Variants in COX15 observed in about 807,000 individuals in gnomAD.
The protein encoded by COX15 is cytochrome c oxidase assembly factor COX15.
Under a neutral mutation model 51.9 loss-of-function variants are expected in COX15, and 51 were observed. The observed-to-expected ratio is 0.98, with a 90% CI of 0.78 to 1.24. The LOEUF is 1.24. COX15 is among the 50% of genes most tolerant of loss of function. The pLI, the probability that COX15 is intolerant of heterozygous loss-of-function variation, is 0.00. For synonymous variants in COX15, 188 were observed against 190.5 expected, an observed-to-expected ratio of 0.99 and a Z score of 0.11; for missense variants, 420 against 501.1, an observed-to-expected ratio of 0.84 and a Z score of 1.55.
chr10:99,717,590 T>C (rs556844300), intron 7 of COX15, among the ~76,000 whole-genome samples: 20 of 152,214 alleles, frequency 1.3e-4, no homozygotes, highest in African/African-American at 4.6e-4. Flanking sequence ...AGTAACGTGA[T>C]CACAGCTTAC....
Position 99,721,087 on chromosome 10 carries a change from C to A in COX15, c.751-19G>T. ...CAGGCAACTAAATATGAAAAAAAAT[C>A]ATTCAGTTAAACTGTGTTGCAGGAA... On this transcript the variant is annotated intron_variant, in intron 5 of 8. Transcript: ENST00000016171. 1 of 1,597,622 alleles carries A rather than the reference C, an allele frequency of 6.3e-7. No individual in the cohort carries two copies. Among genetic ancestry groups the A allele is most frequent in the Non-Finnish European group, 8.6e-7 (1 of 1,169,258 alleles).
intron 7 of COX15, among the ~76,000 whole-genome samples, chr10:99,717,530 T>C (rs1437794708): frequency 1.3e-5 from 2 of 152,148 alleles, no homozygotes; most frequent in Non-Finnish European, 2.9e-5. Context: ...TTAAATTAAA[T>C]TTAATTTTTT....
At chr10:99,720,407 C>T (rs2036723094) in intron 6 of COX15, among the ~76,000 whole-genome samples, 1 of 152,124 alleles carries the variant, frequency 6.6e-6, no homozygotes, top group Non-Finnish European at 1.5e-5. Context: ...GATCATGCCA[C>T]TGCACTCCAG....
In COX15 at chr10:99,727,523, T is replaced by C. The variant is rs768252509; in HGVS notation, c.313A>G (p.Ile105Val). 5 of 1,613,972 alleles carry C rather than the reference T, an allele frequency of 3.1e-6. No homozygotes were observed. The highest frequency in any genetic ancestry group is 2.5e-6 in the Non-Finnish European group (3 of 1,180,038). The change falls in exon 3 of 9, where the codon ATA (isoleucine) becomes GTA (valine). Residue 105 changes from isoleucine (I) to valine (V), a missense_variant. By Grantham distance (29) the Ile-to-Val change is conservative. Coordinates refer to ENST00000016171, the MANE Select transcript of COX15 (RefSeq NM_078470.6). The stretch of plus-strand genomic sequence containing the variant: ...CTTGTAGGTGGCTTCATCTCCTTTA[T>C]TAAATGCCAATCTACCATCGAGAGG... The part of the protein sequence containing the change: ...SGLSMVDWHL[I>V]KEMKPPTSQE...
chr10:99,720,909 A>C (rs2036741845), intron 6 of COX15, 78 bp downstream of exon 6: 1 of 1,069,922 alleles, frequency 9.3e-7, no homozygotes, highest in Non-Finnish European at 1.4e-6. Context: ...ATGCAGGAGG[A>C]AGGGGCAAAG....
chr10:99,727,348 G>A, intron 3 of COX15, 93 bp downstream of exon 3: 1 of 1,564,798 alleles, frequency 6.4e-7, no homozygotes, highest in Non-Finnish European at 8.7e-7. Context: ...CTGAACCGAA[G>A]TTCATGAAAT....
At chr10:99,701,051 C>T in the COX15 span, 3 of 1,613,464 alleles carry the variant, frequency 1.9e-6, no homozygotes, top group South Asian at 2.2e-5. Flanking sequence ...AGATGAGCAT[C>T]GACTCAAGTA....
Position 99,714,595 on chromosome 10 carries a change from G to A in COX15, c.1225C>T (p.Pro409Ser). ...GGCTGGTCCTCTAAGAATCATTTTG[G>A]GACTCTTCGGAGTTCATTCATCAGC... is the stretch of plus-strand genomic sequence containing the variant. ...LWLMNELRRV[P>S]K Residue 409 changes from proline (P) to serine (S), a missense_variant, in exon 9 of 9, where the codon CCA (proline) becomes TCA (serine). Transcript: ENST00000016171. 1 of 1,614,006 alleles carries A rather than the reference G, an allele frequency of 6.2e-7. No individual in the cohort carries two copies. Among genetic ancestry groups the A allele is most frequent in the Non-Finnish European group, 8.5e-7 (1 of 1,179,966 alleles).
chr10:99,727,430 C>T lies in COX15; in HGVS notation c.395+11G>A, dbSNP rs755176051. ...TACTGGGATGTTTACCTAATTTTCT[C>T]TAATACTTACATTTTAAATTCTGGA... On this transcript the variant is annotated intron_variant, in intron 3 of 8. Coordinates refer to ENST00000016171, the MANE Select transcript of COX15 (RefSeq NM_078470.6). The T allele has an allele frequency of 6.2e-7, 1 of 1,612,830 alleles. No individual in the cohort carries two copies. The highest frequency in any genetic ancestry group is 8.5e-7 in the Non-Finnish European group (1 of 1,180,014).
Position 99,711,999 on chromosome 10 carries a change from C to T in COX15, c.*2588G>A. The T allele has an allele frequency of 3.3e-6, 1 of 298,822 alleles. No homozygotes were observed. The highest frequency in any genetic ancestry group is 4.9e-6 in the Non-Finnish European group (1 of 202,374). The allele number at this position is 298,822 out of a possible 1,614,324, so 18.5% of individuals were successfully genotyped here. A position where few individuals can be genotyped will look rare whatever the true frequency, so the allele number is the denominator to read the frequency against. On this transcript the variant is annotated 3_prime_UTR_variant, in exon 9 of 9. Coordinates refer to ENST00000016171, the MANE Select transcript of COX15 (RefSeq NM_078470.6). ...CAGTGTGTCACATGGTGAGAGAGAG[C>T]AAGCGAGAGAGGAGGAAGTTCCAGG...
At position 99,727,038 on chromosome 10, in the gene COX15, CA is replaced by C. The variant is rs2133621017; in HGVS notation, c.511del (p.Trp171GlyfsTer10). ...LVYILPAAYF[W>X]RKGWLSRGMK... ...GCCACGGCTGAGCCAGCCCTTTCTC[CA>C]AAAGTAGGCAGCAGGCAGGATGTAC... On this transcript the variant is annotated frameshift_variant, in exon 4 of 9. Coordinates refer to ENST00000016171, the MANE Select transcript of COX15 (RefSeq NM_078470.6). LOFTEE classifies it high-confidence loss of function. 1.2e-6 allele frequency: 2 copies of C among 1,614,162 alleles called. No individual in the cohort carries two copies. Among genetic ancestry groups the C allele is most frequent in the South Asian group, 2.2e-5 (2 of 91,080 alleles).
At chr10:99,702,216 G>A in the COX15 span, among the ~76,000 whole-genome samples, 2 of 151,928 alleles carry the variant, frequency 1.3e-5, no homozygotes, top group African/African-American at 4.8e-5. Context: ...GGGTTGTTTT[G>A]AAGCTAATCC....
the COX15 span, chr10:99,698,554 G>C: frequency 6.2e-7 from 1 of 1,614,062 alleles, no homozygotes; most frequent in Middle Eastern, 1.6e-4. Flanking sequence ...CAGAAGACAG[G>C]TCTGAGTCCC....
chr10:99,714,637 G>A lies in COX15; in HGVS notation c.1183C>T (p.Leu395Phe). 1 of 1,614,166 alleles carries A rather than the reference G, an allele frequency of 6.2e-7. No individual in the cohort carries two copies. Among genetic ancestry groups the A allele is most frequent in the Non-Finnish European group, 8.5e-7 (1 of 1,180,014 alleles). ...TTCATCAGCCAAAGAGCACCAGTGA[G>A]CAAAGCCAAGGAGCCTGACTGGTGA... is the stretch of plus-strand genomic sequence containing the variant. ...ATHQSGSLAL[L>F]TGALWLMNEL... The change falls in exon 9 of 9, where the codon CTC (leucine) becomes TTC (phenylalanine). Residue 395 changes from leucine to phenylalanine, a missense_variant. By Grantham distance (22) the Leu-to-Phe change is conservative (BLOSUM62 0). Transcript: ENST00000016171.
rs2036512879 is a variant in COX15, at chr10:99,714,716, C to T, written c.1104G>A (p.Val368=). The T allele has an allele frequency of 7.4e-6, 12 of 1,613,024 alleles. No homozygotes were observed. The highest frequency in any genetic ancestry group is 1.0e-5 in the Non-Finnish European group (12 of 1,180,016). ...TCAGCAGCGTGCTGATGCCCAAGCC[C>T]ACCTGTCACAAAGGAAAGAAGGCAA... ...VTLLALAYTQ[V]GLGISTLLMY... Residue 368 remains valine (V), a splice_region_variant and synonymous_variant, in exon 9 of 9, where the codon GTG becomes GTA. Transcript: ENST00000016171.
the COX15 span, chr10:99,702,722 T>C: frequency 3.0e-5 from 46 of 1,510,150 alleles, no homozygotes; most frequent in Non-Finnish European, 3.9e-5. Flanking sequence ...AGGATATCAG[T>C]TGATGCCTCA....
Position 99,711,935 on chromosome 10 carries a change from T to C in COX15, c.*2652A>G. On this transcript the variant is annotated 3_prime_UTR_variant, in exon 9 of 9. Transcript: ENST00000016171. Reference sequence around the variant, plus strand: ...CTGGCATCTGCTTCTGGTGAGGGCCTCACGAAGCTTACAATCATGGCAGAA... The same window carrying C: ...CTGGCATCTGCTTCTGGTGAGGGCCCCACGAAGCTTACAATCATGGCAGAA... 1 of 611,212 alleles carries C rather than the reference T, an allele frequency of 1.6e-6. No homozygotes were observed. The highest frequency in any genetic ancestry group is 2.0e-5 in the African/African-American group (1 of 49,854). The allele number at this position is 611,212 out of a possible 1,614,324, so 37.9% of individuals were successfully genotyped here. A position where few individuals can be genotyped will look rare whatever the true frequency, so the allele number is the denominator to read the frequency against.
intron 4 of COX15, among the ~76,000 whole-genome samples, chr10:99,725,706 CA>C (rs1234144397): frequency 6.6e-6 from 1 of 152,166 alleles, no homozygotes. Context: ...ACTACAGGCC[CA>C]CGCCAGCATG....
Position 99,713,606 on chromosome 10 carries a change from CCT to C in COX15, c.*979_*980del. ...TCTTATTACAAAGCTGTTAGGAAAC[CCT>C]CTCAGGAACCAATTTATACTGTCGA... On this transcript the variant is annotated 3_prime_UTR_variant, in exon 9 of 9. Coordinates refer to ENST00000016171, the MANE Select transcript of COX15 (RefSeq NM_078470.6). 8.4e-6 allele frequency: 12 copies of C among 1,420,936 alleles called. No homozygotes were observed. Among genetic ancestry groups the C allele is most frequent in the Non-Finnish European group, 1.1e-5 (12 of 1,046,142 alleles). The allele number at this position is 1,420,936 out of a possible 1,614,324, so 88.0% of individuals were successfully genotyped here. A position where few individuals can be genotyped will look rare whatever the true frequency, so the allele number is the denominator to read the frequency against.
Sources: allele counts gnomAD v4.1 joint callset (sites outside exome capture counted in the v4.1 genomes callset), GRCh38; gene constraint gnomAD v4.1.1; transcripts MANE v1.5; gene names NCBI Gene and HGNC (gene_info 2026-07-23, HGNC 2026-07-21).